TRIP12: variants seen among roughly 807,000 people sequenced by gnomAD.
The protein encoded by TRIP12 is E3 ubiquitin-protein ligase TRIP12.
Under a neutral mutation model 244.2 loss-of-function variants are expected in TRIP12, and 25 were observed. The ratio of observed to expected loss-of-function variants is 0.10; its 90% confidence interval spans 0.07 to 0.14. TRIP12 has a LOEUF of 0.14. TRIP12 is among the 10% of genes least tolerant of loss of function. The pLI is 1.00. For synonymous variants in TRIP12, 905 were observed against 873.1 expected, an observed-to-expected ratio of 1.04 and a Z score of -0.64; for missense variants, 1,677 against 2,486.4, an observed-to-expected ratio of 0.67 and a Z score of 6.92.
At chr2:229,789,819 G>T in intron 30 of TRIP12, 57 bp from the exon 31 acceptor site, 2 of 1,586,144 alleles carry the variant, frequency 1.3e-6, no homozygotes. Flanking sequence ...CTAAGCCAGT[G>T]CAGCCAAGGT....
At chr2:229,802,546 A>G in intron 20 of TRIP12, 87 bp from the exon 21 acceptor site, 5 of 976,072 alleles carry the variant, frequency 5.1e-6, no homozygotes, top group Non-Finnish European at 7.6e-6. Context: ...AAATACCAAC[A>G]CTGACATAAT....
rs397744900 is a variant in TRIP12 at position 229,893,506 on chromosome 2, T to TA, written c.-49-13379dup. On this transcript the variant is annotated intron_variant, in intron 1 of 41. Coordinates refer to ENST00000675903, the MANE Select transcript of TRIP12 (RefSeq NM_001348323.3). The stretch of plus-strand genomic sequence containing the variant: ...ACTACTGTTCTAATTTTTTTTTTTT[T>TA]ACCATTGTCTTGCCTATTCTAGAAT... Among the ~76,000 whole-genome samples the TA allele has an allele frequency of 9.9e-5, 15 of 151,860 alleles. 2 individuals are homozygous for TA. Among genetic ancestry groups the TA allele is most frequent in the Non-Finnish European group, 2.2e-4 (15 of 67,956 alleles).
At chr2:229,902,454 G>A (rs890741915) in intron 1 of TRIP12, among the ~76,000 whole-genome samples, 4 of 152,024 alleles carry the variant, frequency 2.6e-5, no homozygotes, top group South Asian at 2.1e-4. Context: ...CATTATTGGC[G>A]GTACCTTTAA....
At chr2:229,919,714 G>C (rs1319282127) in intron 1 of TRIP12, among the ~76,000 whole-genome samples, 3 of 152,116 alleles carry the variant, frequency 2.0e-5, no homozygotes, top group East Asian at 1.9e-4. Flanking sequence ...AGAAAAACTG[G>C]GGATTGAATG....
intron 1 of TRIP12, among the ~76,000 whole-genome samples, chr2:229,907,201 C>T (rs536769741): frequency 8.5e-5 from 13 of 152,290 alleles, no homozygotes; most frequent in African/African-American, 2.9e-4. Flanking sequence ...TTAACATTTA[C>T]AATAAAACAA....
At chr2:229,839,953 A>G (rs2055962608) in intron 5 of TRIP12, among the ~76,000 whole-genome samples, 1 of 152,236 alleles carries the variant, frequency 6.6e-6, no homozygotes, top group Non-Finnish European at 1.5e-5. Flanking sequence ...GAGAACACAC[A>G]TAATAACTAC....
chr2:229,839,245 G>T (rs761892688), intron 5 of TRIP12, among the ~76,000 whole-genome samples: 1 of 152,162 alleles, frequency 6.6e-6, no homozygotes, highest in Non-Finnish European at 1.5e-5. Flanking sequence ...CAGGTTTGTG[G>T]CTAGGAGCAA....
At chr2:229,837,516 T>C (rs547034603) in intron 5 of TRIP12, among the ~76,000 whole-genome samples, 69 of 152,194 alleles carry the variant, frequency 4.5e-4, no homozygotes, top group African/African-American at 1.6e-3. Context: ...GCGCCTGTAA[T>C]CCCAGCTACT....
At chr2:229,922,967 A>T (rs1178336285), upstream of TRIP12, among the ~76,000 whole-genome samples, 1 of 152,218 alleles carries the variant, frequency 6.6e-6, no homozygotes, top group Non-Finnish European at 1.5e-5. Context: ...GAGGGAAAGA[A>T]CGACTCAGCC....
intron 34 of TRIP12, 112 bp downstream of exon 34, chr2:229,785,645 G>GAGCAA: frequency 1.0e-6 from 1 of 964,836 alleles, no homozygotes; most frequent in Non-Finnish European, 1.5e-6. Flanking sequence ...AGAGAAAAGA[G>GAGCAA]AGCAAAGTCT....
At chr2:229,890,222 G>A (rs1209991506) in intron 1 of TRIP12, among the ~76,000 whole-genome samples, 3 of 151,994 alleles carry the variant, frequency 2.0e-5, no homozygotes, top group South Asian at 2.1e-4. Context: ...TGGGACTACA[G>A]GCACGCACCA....
chr2:229,884,832 A>G (rs993904651), intron 1 of TRIP12, among the ~76,000 whole-genome samples: 2 of 152,166 alleles, frequency 1.3e-5, no homozygotes, highest in Non-Finnish European at 2.9e-5. Flanking sequence ...TTAGCCAGGC[A>G]GGACGGTGCA....
chr2:229,923,127 C>G (rs988138676), upstream of TRIP12: 3 of 153,994 alleles, frequency 1.9e-5, no homozygotes, highest in African/African-American at 7.2e-5. Context: ...CTAGTAGCAA[C>G]TGACGATTGG....
chr2:229,900,332 C>T (rs887824693), intron 1 of TRIP12, among the ~76,000 whole-genome samples: 1 of 152,178 alleles, frequency 6.6e-6, no homozygotes, highest in Non-Finnish European at 1.5e-5. Flanking sequence ...CTTGAAGTGA[C>T]ACTATCATAA....
intron 21 of TRIP12, 110 bp downstream of exon 21, chr2:229,802,140 AAT>A: frequency 2.7e-6 from 2 of 739,212 alleles, no homozygotes; most frequent in Non-Finnish European, 3.9e-6. Flanking sequence ...CAAAAGGAAA[AAT>A]ATAATATATA....
Position 229,819,085 on chromosome 2 carries a change from C to CACACACA in TRIP12, c.1451-574_1451-573insTGTGTGT, listed in dbSNP as rs1553640456. Among the ~76,000 whole-genome samples the CACACACA allele has an allele frequency of 7.3e-5, 8 of 109,696 alleles. No homozygotes were observed. In the South Asian group the frequency reaches 2.0e-3, roughly 27 times the overall value. 72.0% of individuals were successfully genotyped at this position (109,696 alleles called of 152,430 possible). ...ACACACACACACACACACACACACA[C>CACACACA]AATTATAAACCCTTGCATCCTCTTT... On this transcript the variant is annotated intron_variant, in intron 8 of 41. Coordinates refer to ENST00000675903, the MANE Select transcript of TRIP12 (RefSeq NM_001348323.3).
At chr2:229,817,322 C>A (rs904678035) in intron 9 of TRIP12, among the ~76,000 whole-genome samples, 1 of 152,140 alleles carries the variant, frequency 6.6e-6, no homozygotes, top group African/African-American at 2.4e-5. Context: ...TTATGTTTGT[C>A]TTTTGGTAGT....
intron 21 of TRIP12, among the ~76,000 whole-genome samples, chr2:229,800,502 G>T (rs1432731140): frequency 6.6e-6 from 1 of 151,962 alleles, no homozygotes. Context: ...CATTTCTATG[G>T]AATATACTTA....
At chr2:229,805,106 C>T (rs1575253445) in intron 18 of TRIP12, among the ~76,000 whole-genome samples, 1 of 151,968 alleles carries the variant, frequency 6.6e-6, no homozygotes, top group Admixed American at 6.6e-5. Flanking sequence ...AGGGTTTCAC[C>T]GTGTTAGCCA....
Sources: allele counts gnomAD v4.1 joint callset (sites outside exome capture counted in the v4.1 genomes callset), GRCh38; gene constraint gnomAD v4.1.1; transcripts MANE v1.5; gene names NCBI Gene and HGNC (gene_info 2026-07-23, HGNC 2026-07-21).